The following LRRC2 variants were observed in gnomAD, a reference collection of about 807,000 sequenced individuals.
The protein encoded by LRRC2 is leucine rich repeat containing 2, also known as leucine-rich repeat-containing protein 2.
In LRRC2, 27 loss-of-function variants were observed where a neutral mutation model predicts 40.2. The ratio of observed to expected loss-of-function variants is 0.67; its 90% CI spans 0.49 to 0.93. The LOEUF (loss-of-function observed/expected upper bound fraction) is 0.93, where lower values mean the gene tolerates loss of function less well. Among genes scored for constraint, LRRC2 ranks in the 40% least tolerant of loss-of-function variants. The probability of loss-of-function intolerance (pLI) is 0.00; values close to 1 mark genes in which losing one functional copy is unlikely to be tolerated. For synonymous variants in LRRC2, 147 were observed against 158.9 expected, an observed-to-expected ratio of 0.92 and a Z score of 0.56; for missense variants, 402 against 439.6, an observed-to-expected ratio of 0.91 and a Z score of 0.76.
In LRRC2 at chr3:46,554,020, TTTG is replaced by T. The variant is rs560916277; in HGVS notation, c.-19-2413_-19-2411del. Among the ~76,000 whole-genome samples, 169 of 150,970 alleles carry T rather than the reference TTTG, an allele frequency of 1.1e-3. 1 individual carries two copies. Among genetic ancestry groups the T allele is most frequent in the African/African-American group, 3.8e-3 (157 of 41,078 alleles). ...TTTCATTGGTTGTTGTTGTTGTTTT[TTTG>T]TTGTTTTTTTTCCTGAGACAGGGTC... On this transcript the variant is annotated intron_variant, in intron 1 of 8. Transcript: ENST00000395905.
intron 8 of LRRC2, among the ~76,000 whole-genome samples, chr3:46,519,852 C>T (rs1703934853): frequency 2.0e-5 from 3 of 151,978 alleles, no homozygotes; most frequent in South Asian, 4.2e-4. Context: ...AGGGAAGACA[C>T]CATGATAAAG....
At chr3:46,537,190 C>T (rs1029876121) in intron 4 of LRRC2, among the ~76,000 whole-genome samples, 2 of 152,152 alleles carry the variant, frequency 1.3e-5, no homozygotes, top group Admixed American at 1.3e-4. Context: ...ATGGCTGGTG[C>T]CATCACCGCT....
chr3:46,520,159 AAAT>A (rs1575342424), intron 8 of LRRC2, among the ~76,000 whole-genome samples: 1 of 148,576 alleles, frequency 6.7e-6, no homozygotes, highest in East Asian at 1.9e-4. Flanking sequence ...AATTAATATT[AAAT>A]AATATATTTA....
chr3:46,527,490 C>A lies in LRRC2; in HGVS notation c.865G>T (p.Val289Phe), dbSNP rs1179801152. ...MLNLKKLTLLVVSGDHLVELP... is the reference protein window; with the variant it reads ...MLNLKKLTLLFVSGDHLVELP... ...TCCACCAAATGGTCCCCACTGACGA[C>A]TAACAGAGTGAGCTTCTTCAGGTTC... Residue 289 changes from valine (V) to phenylalanine (F), a missense_variant, in exon 7 of 9, where the codon GTC (valine) becomes TTC (phenylalanine). Physicochemically the swap from Val to Phe is conservative, Grantham distance 50. Coordinates refer to ENST00000395905, the MANE Select transcript of LRRC2 (RefSeq NM_024512.5). 1 of 1,613,862 alleles carries A rather than the reference C, an allele frequency of 6.2e-7. No homozygotes were observed. The highest frequency in any genetic ancestry group is 8.5e-7 in the Non-Finnish European group (1 of 1,179,922).
intron 4 of LRRC2, among the ~76,000 whole-genome samples, chr3:46,534,819 TATG>T (rs1488478282): frequency 6.6e-6 from 1 of 152,150 alleles, no homozygotes; most frequent in East Asian, 1.9e-4. Context: ...TATAAGACAA[TATG>T]ATAAGAGATC....
At chr3:46,529,784 A>C in intron 6 of LRRC2, 121 bp downstream of exon 6, 1 of 1,062,048 alleles carries the variant, frequency 9.4e-7, no homozygotes, top group Non-Finnish European at 1.3e-6. Flanking sequence ...CTGGAAAGGA[A>C]ACTCTGGAAA....
intron 6 of LRRC2, among the ~76,000 whole-genome samples, chr3:46,528,509 C>T (rs1227534793): frequency 1.3e-5 from 2 of 152,134 alleles, no homozygotes; most frequent in African/African-American, 2.4e-5. Flanking sequence ...AAGGCAACTG[C>T]GGAGTGAAAA....
chr3:46,544,689 C>T (rs7648827), intron 3 of LRRC2, among the ~76,000 whole-genome samples: 12,852 of 152,244 alleles, frequency 0.084, 611 homozygotes, highest in South Asian at 0.17. Flanking sequence ...TTCGGCACTT[C>T]GGCAAGTAAG....
intron 5 of LRRC2, 77 bp from the exon 6 acceptor site, chr3:46,530,127 A>T (rs1289533662): frequency 3.3e-6 from 4 of 1,205,554 alleles, no homozygotes; most frequent in Non-Finnish European, 4.8e-6. Context: ...TTTAAGATGG[A>T]TATTTCTTCC....
rs2106974610 is a variant in LRRC2 at position 46,521,550 on chromosome 3, T to C, written c.1038A>G (p.Lys346=). The change falls in exon 8 of 9, where the codon AAA becomes AAG. Residue 346 remains lysine, a synonymous_variant. Coordinates refer to ENST00000395905, the MANE Select transcript of LRRC2 (RefSeq NM_024512.5). ...TTTCTTTAAGGTCTTCAATATAGGC[T>C]TTCATAACTTCTTTATCAAAATGTT... ...DRQHFDKEVM[K]AYIEDLKERE... is the part of the protein sequence containing the mutation. 1 of 1,611,954 alleles carries C rather than the reference T, an allele frequency of 6.2e-7. No homozygotes were observed. The highest frequency in any genetic ancestry group is 1.7e-4 in the Middle Eastern group (1 of 6,052).
At chr3:46,534,093 C>G (rs1704221773) in intron 4 of LRRC2, among the ~76,000 whole-genome samples, 1 of 151,956 alleles carries the variant, frequency 6.6e-6, no homozygotes, top group South Asian at 2.1e-4. Context: ...CACCAGCCCC[C>G]AACAGGCCCA....
intron 4 of LRRC2, among the ~76,000 whole-genome samples, chr3:46,533,903 C>CTT (rs1374956200): frequency 8.4e-6 from 1 of 119,086 alleles, no homozygotes; most frequent in Admixed American, 8.4e-5. Flanking sequence ...CCTTTCTTTT[C>CTT]TTTTTTTTTT....
At chr3:46,564,918 T>C (rs985487689) in intron 1 of LRRC2, among the ~76,000 whole-genome samples, 1 of 152,174 alleles carries the variant, frequency 6.6e-6, no homozygotes, top group African/African-American at 2.4e-5. Flanking sequence ...GGCAATAATA[T>C]GACAACCAAG....
At chr3:46,522,332 G>T (rs66627456) in intron 7 of LRRC2, among the ~76,000 whole-genome samples, 9,740 of 151,222 alleles carry the variant, frequency 0.064, 466 homozygotes, top group South Asian at 0.17. Context: ...CTGAAATCCC[G>T]CCATGGCACT....
At chr3:46,550,752 A>G (rs1704626812) in intron 2 of LRRC2, among the ~76,000 whole-genome samples, 1 of 152,178 alleles carries the variant, frequency 6.6e-6, no homozygotes, top group Non-Finnish European at 1.5e-5. Context: ...AACTTGATGT[A>G]GGGTTGGGAC....
intron 1 of LRRC2, among the ~76,000 whole-genome samples, chr3:46,564,228 A>G (rs535827116): frequency 1.2e-3 from 181 of 151,768 alleles, no homozygotes; most frequent in Non-Finnish European, 2.2e-3. Flanking sequence ...AGGAAGGGGA[A>G]AGGGCTGACA....
intron 7 of LRRC2, among the ~76,000 whole-genome samples, chr3:46,525,244 A>G (rs1252466497): frequency 7.1e-6 from 1 of 140,510 alleles, no homozygotes; most frequent in Admixed American, 7.3e-5. Context: ...ACATGCCACC[A>G]TGCCAGGCCT....
chr3:46,546,553 T>G (rs1033527658), intron 2 of LRRC2, among the ~76,000 whole-genome samples: 1 of 152,216 alleles, frequency 6.6e-6, no homozygotes, highest in Non-Finnish European at 1.5e-5. Flanking sequence ...TCTATAGGTA[T>G]GTACCTTTGA....
At chr3:46,563,128 C>T (rs1704983029) in intron 1 of LRRC2, among the ~76,000 whole-genome samples, 1 of 152,080 alleles carries the variant, frequency 6.6e-6, no homozygotes, top group Non-Finnish European at 1.5e-5. Context: ...TCATCCACAC[C>T]TCCAGTTATC....
Sources: allele counts gnomAD v4.1 joint callset (sites outside exome capture counted in the v4.1 genomes callset), GRCh38; gene constraint gnomAD v4.1.1; transcripts MANE v1.5; gene names NCBI Gene and HGNC (gene_info 2026-07-23, HGNC 2026-07-21).